CDON: variants seen among roughly 807,000 people sequenced by gnomAD.
CDON encodes cell adhesion associated, oncogene regulated, also known as cell adhesion molecule-related/down-regulated by oncogenes.
A neutral mutation model predicts 120.9 loss-of-function variants in CDON; 73 were observed. The ratio of observed to expected loss-of-function variants is 0.60; its 90% CI spans 0.50 to 0.73. The LOEUF is 0.73. Ranked by LOEUF, CDON falls within the 30% of genes least tolerant of loss-of-function variation. The pLI is 0.00. For synonymous variants in CDON, 566 were observed against 573.5 expected (o/e 0.99, Z 0.19); for missense variants, 1,470 against 1,587.3 (o/e 0.93, Z 1.26).
At chr11:126,035,576 C>T (rs1308353198) in intron 1 of CDON, among the ~76,000 whole-genome samples, 1 of 152,156 alleles carries the variant, frequency 6.6e-6, no homozygotes, top group Non-Finnish European at 1.5e-5. Context: ...AGGGGTTCTT[C>T]AAGCACATTC....
chr11:126,057,063 A>T (rs1193141129), intron 1 of CDON, among the ~76,000 whole-genome samples: 1 of 152,228 alleles, frequency 6.6e-6, no homozygotes, highest in Admixed American at 6.5e-5. Context: ...AAACACACAC[A>T]TAAAAATGAA....
chr11:125,971,032 G>A (rs893364133), intron 18 of CDON, among the ~76,000 whole-genome samples: 3 of 152,128 alleles, frequency 2.0e-5, no homozygotes, highest in Non-Finnish European at 4.4e-5. Flanking sequence ...TGGACAACTT[G>A]TTGTTTTAAT....
intron 14 of CDON, among the ~76,000 whole-genome samples, chr11:125,992,301 T>A (rs939767963): frequency 1.3e-5 from 2 of 152,150 alleles, no homozygotes; most frequent in Non-Finnish European, 2.9e-5. Flanking sequence ...AAGACCGCAA[T>A]TACTTTTTAC....
intron 1 of CDON, among the ~76,000 whole-genome samples, chr11:126,061,680 G>A (rs1229584100): frequency 2.6e-5 from 4 of 152,238 alleles, no homozygotes; most frequent in Non-Finnish European, 5.9e-5. Flanking sequence ...TAAATCTCAT[G>A]TGAGCTTTTA....
chr11:126,030,940 A>C (rs1027494526), intron 1 of CDON, among the ~76,000 whole-genome samples: 1 of 152,218 alleles, frequency 6.6e-6, no homozygotes, highest in East Asian at 1.9e-4. Flanking sequence ...TATTCATTCA[A>C]TCAAACCATT....
At position 126,062,840 on chromosome 11, in the gene CDON, A is replaced by T. The variant is rs1257166971; in HGVS notation, c.-323T>A. On this transcript the variant is annotated 5_prime_UTR_variant, in exon 1 of 20. Transcript: ENST00000531738. ...CCGCGCGAGCCGGGCTCCCGGGCTC[A>T]GGGGAGGGGAGCTGAGGGGCGGAGT... 6.6e-6 allele frequency: 1 copy of T among 151,302 alleles called. No homozygotes were observed. Among genetic ancestry groups the T allele is most frequent in the Admixed American group, 6.6e-5 (1 of 15,232 alleles). The allele number at this position is 151,302 out of a possible 1,614,324, so 9.4% of individuals were successfully genotyped here.
At chr11:125,970,691 A>G (rs999636670) in intron 18 of CDON, among the ~76,000 whole-genome samples, 2 of 152,176 alleles carry the variant, frequency 1.3e-5, no homozygotes, top group African/African-American at 2.4e-5. Flanking sequence ...TTGGGAATTA[A>G]TCTATCAGCA....
chr11:125,978,084 C>T lies in CDON; in HGVS notation c.3356+220G>A, dbSNP rs535278059. Among the ~76,000 whole-genome samples the T allele has an allele frequency of 2.6e-5, 4 of 152,026 alleles. No individual in the cohort carries two copies. In the South Asian group the frequency reaches 8.3e-4, roughly 32 times the overall value. The stretch of plus-strand genomic sequence containing the variant: ...AATAATATTTCAGTGACAAATAGAG[C>T]CTTTAAGATGGTTTCTATATAGCTG... On this transcript the variant is annotated intron_variant, in intron 18 of 19. Transcript: ENST00000531738.
At chr11:126,018,183 AC>A (rs1947526962) in intron 5 of CDON, 146 bp downstream of exon 5, 11 of 798,724 alleles carry the variant, frequency 1.4e-5, no homozygotes, top group Non-Finnish European at 4.1e-6. Flanking sequence ...CACAGGGGTG[AC>A]CCACCACACC....
chr11:126,007,097 C>T (rs542158213), intron 8 of CDON, among the ~76,000 whole-genome samples: 4 of 152,284 alleles, frequency 2.6e-5, no homozygotes, highest in East Asian at 3.9e-4. Context: ...CTCTAAAGTG[C>T]TATTAATACT....
chr11:126,057,561 G>A (rs1011057337), intron 1 of CDON, among the ~76,000 whole-genome samples: 4 of 152,172 alleles, frequency 2.6e-5, no homozygotes, highest in African/African-American at 4.8e-5. Context: ...GCCTGGGATG[G>A]GCACCAGGGA....
At chr11:125,979,714 G>A (rs1299043248) in intron 17 of CDON, among the ~76,000 whole-genome samples, 3 of 152,126 alleles carry the variant, frequency 2.0e-5, no homozygotes, top group Non-Finnish European at 4.4e-5. Context: ...TGGAAACAGT[G>A]TGTGCTATTC....
chr11:126,036,980 A>T (rs7949983), intron 1 of CDON, among the ~76,000 whole-genome samples: 30,903 of 152,170 alleles, frequency 0.2, 3,663 homozygotes, highest in African/African-American at 0.32. Context: ...GTGAGCCACC[A>T]TACCCAGCCT....
intron 18 of CDON, among the ~76,000 whole-genome samples, chr11:125,971,227 T>C (rs906095981): frequency 4.0e-5 from 6 of 151,458 alleles, no homozygotes; most frequent in Non-Finnish European, 5.9e-5. Flanking sequence ...ACTAAAAACA[T>C]AAAAAATTAG....
rs750904257 is a variant in CDON at position 125,961,048 on chromosome 11, A to T, written c.3689T>A (p.Ile1230Asn). The change falls in exon 20 of 20, where the codon ATT becomes AAT. Residue 1230 changes from isoleucine (I) to asparagine (N), a missense_variant. Transcript: ENST00000531738. ...EINIVSWNAL[I>N]LPPVPEGCAE... ...ACAGCCCTCGGGGACAGGTGGCAAA[A>T]TAAGAGCATTCCAACTTACAATGTT... 9.9e-6 allele frequency: 16 copies of T among 1,613,964 alleles called. 1 individual carries two copies. In the Admixed American group the frequency reaches 1.8e-4, roughly 18 times the overall value.
chr11:125,961,600 A>G (rs1015879731), intron 19 of CDON, 124 bp downstream of exon 19: 1 of 1,325,478 alleles, frequency 7.5e-7, no homozygotes, highest in African/African-American at 1.4e-5. Context: ...CACCCCACCC[A>G]GTCTCCCAAG....
At chr11:126,062,978 G>C (rs1948842948), upstream of CDON, among the ~76,000 whole-genome samples, 1 of 151,790 alleles carries the variant, frequency 6.6e-6, no homozygotes, top group African/African-American at 2.4e-5. Flanking sequence ...AGGGACCGGG[G>C]AATGACTGAC....
At chr11:125,979,956 T>C (rs1159585130) in intron 17 of CDON, among the ~76,000 whole-genome samples, 3 of 152,218 alleles carry the variant, frequency 2.0e-5, no homozygotes, top group African/African-American at 7.2e-5. Context: ...CTTTAAAATA[T>C]GAGTATATAT....
At chr11:126,039,066 G>A (rs1453079564) in intron 1 of CDON, among the ~76,000 whole-genome samples, 1 of 152,160 alleles carries the variant, frequency 6.6e-6, no homozygotes, top group African/African-American at 2.4e-5. Flanking sequence ...AACGAAGAGA[G>A]CTATTTCCAT....
Sources: allele counts gnomAD v4.1 joint callset (sites outside exome capture counted in the v4.1 genomes callset), GRCh38; gene constraint gnomAD v4.1.1; transcripts MANE v1.5; gene names NCBI Gene and HGNC (gene_info 2026-07-23, HGNC 2026-07-21).